Variants in MAP2K6 observed in about 807,000 individuals in gnomAD.
MAP2K6 encodes mitogen-activated protein kinase kinase 6.
Under a neutral mutation model 53.7 loss-of-function variants are expected in MAP2K6, and 16 were observed. That is an observed-to-expected ratio of 0.30 (90% CI 0.20 to 0.45). MAP2K6 has a LOEUF of 0.45. Among genes scored for constraint, MAP2K6 ranks in the 20% least tolerant of loss-of-function variants. MAP2K6 has a pLI of 1.00. For missense variants in MAP2K6, 204 were observed against 411.9 expected, an observed-to-expected ratio of 0.50 and a Z score of 4.37; for synonymous variants, 132 against 143.1, an observed-to-expected ratio of 0.92 and a Z score of 0.55.
chr17:69,498,609 G>A (rs1598291498), intron 1 of MAP2K6, among the ~76,000 whole-genome samples: 1 of 148,726 alleles, frequency 6.7e-6, no homozygotes, highest in East Asian at 2.0e-4. Context: ...ACTCTGTATG[G>A]CACCCAGCAC....
chr17:69,418,628 T>C (rs1905978527), intron 1 of MAP2K6, among the ~76,000 whole-genome samples: 1 of 152,190 alleles, frequency 6.6e-6, no homozygotes, highest in African/African-American at 2.4e-5. Context: ...TGGCAAAATA[T>C]TCCCAAGTTT....
intron 3 of MAP2K6, 29 bp from the exon 4 acceptor site, chr17:69,517,471 C>T (rs1303301765): frequency 3.9e-6 from 5 of 1,268,760 alleles, no homozygotes; most frequent in Middle Eastern, 1.9e-4. Flanking sequence ...TTCTCTTTCC[C>T]ATTGCATTAT....
chr17:69,454,838 T>C (rs1047002865), intron 1 of MAP2K6, among the ~76,000 whole-genome samples: 2 of 152,208 alleles, frequency 1.3e-5, no homozygotes, highest in Non-Finnish European at 2.9e-5. Context: ...TAGATATGGG[T>C]ATAATAATAT....
At chr17:69,501,103 T>C (rs898549363) in intron 1 of MAP2K6, among the ~76,000 whole-genome samples, 3 of 152,220 alleles carry the variant, frequency 2.0e-5, no homozygotes, top group Non-Finnish European at 2.9e-5. Flanking sequence ...GGCCTCTAGA[T>C]TGCCAGTTAC....
intron 11 of MAP2K6, among the ~76,000 whole-genome samples, chr17:69,539,284 A>G (rs899064341): frequency 1.3e-5 from 2 of 152,190 alleles, no homozygotes; most frequent in African/African-American, 4.8e-5. Flanking sequence ...TTCTTCAGGC[A>G]CATCAGTGAG....
chr17:69,540,527 T>C lies in MAP2K6; in HGVS notation c.928-1149T>C, dbSNP rs1231528084. ...TTCCACTGTGAGAGCTGGGCACTTA[T>C]TGTAACAAAATTGAGCAATCTGGGG... is the stretch of plus-strand genomic sequence containing the variant. On this transcript the variant is annotated intron_variant, in intron 11 of 11. Coordinates refer to ENST00000590474, the MANE Select transcript of MAP2K6 (RefSeq NM_002758.4). Among the ~76,000 whole-genome samples the C allele has an allele frequency of 3.9e-5, 6 of 152,220 alleles. No homozygotes were observed. The South Asian group carries it at 6.2e-4, about 16-fold the overall frequency.
At chr17:69,423,887 A>G (rs931972688) in intron 1 of MAP2K6, among the ~76,000 whole-genome samples, 1 of 152,162 alleles carries the variant, frequency 6.6e-6, no homozygotes. Context: ...TGCAAAAGTA[A>G]TATTGTTTTT....
Position 69,414,909 on chromosome 17 carries a change from G to T in MAP2K6, c.-76G>T. On this transcript the variant is annotated 5_prime_UTR_variant, in exon 1 of 12. Coordinates refer to ENST00000590474, the MANE Select transcript of MAP2K6 (RefSeq NM_002758.4). Reference sequence around the variant, plus strand: ...TTGCACGCCTGCAGCTTGCATCTTTGTTGCAAAACTAGCTACAGAAGAGAA... The same window carrying T: ...TTGCACGCCTGCAGCTTGCATCTTTTTTGCAAAACTAGCTACAGAAGAGAA... 1 of 1,389,894 alleles carries T rather than the reference G, an allele frequency of 7.2e-7. No homozygotes were observed. The highest frequency in any genetic ancestry group is 1.0e-6 in the Non-Finnish European group (1 of 983,580). The allele number at this position is 1,389,894 out of a possible 1,614,324, so 86.1% of individuals were successfully genotyped here.
intron 7 of MAP2K6, 49 bp downstream of exon 7, chr17:69,521,149 CTT>C (rs763784943): frequency 1.9e-6 from 3 of 1,552,356 alleles, no homozygotes; most frequent in Non-Finnish European, 2.7e-6. Flanking sequence ...AAGTTCATCT[CTT>C]TCACCTGGAG....
intron 4 of MAP2K6, among the ~76,000 whole-genome samples, chr17:69,518,721 A>AG (rs769583733): frequency 2.6e-5 from 4 of 152,212 alleles, no homozygotes; most frequent in Non-Finnish European, 4.4e-5. Flanking sequence ...AAAAGTGTGA[A>AG]GTCCCAGTGA....
intron 1 of MAP2K6, among the ~76,000 whole-genome samples, chr17:69,460,203 C>T (rs1293487228): frequency 2.6e-5 from 4 of 152,094 alleles, no homozygotes; most frequent in Admixed American, 2.6e-4. Flanking sequence ...ATAAACATAA[C>T]AGATTGCTAA....
intron 1 of MAP2K6, among the ~76,000 whole-genome samples, chr17:69,425,344 G>A (rs1260277391): frequency 6.6e-6 from 1 of 151,482 alleles, no homozygotes; most frequent in East Asian, 1.9e-4. Flanking sequence ...ATGGCGTATA[G>A]CTCTGTCACC....
intron 1 of MAP2K6, among the ~76,000 whole-genome samples, chr17:69,498,223 G>A (rs78558761): frequency 0.062 from 9,395 of 152,214 alleles, 375 homozygotes; most frequent in Non-Finnish European, 0.089. Context: ...GGTTGTGGGG[G>A]ATGTGACAAG....
At chr17:69,482,833 C>T (rs1021166912) in intron 1 of MAP2K6, among the ~76,000 whole-genome samples, 2 of 152,032 alleles carry the variant, frequency 1.3e-5, no homozygotes, top group Non-Finnish European at 2.9e-5. Context: ...AAGGACTATG[C>T]ATTCATAAGA....
intron 1 of MAP2K6, among the ~76,000 whole-genome samples, chr17:69,463,460 G>T (rs1049471776): frequency 2.7e-5 from 4 of 148,546 alleles, no homozygotes; most frequent in African/African-American, 9.9e-5. Flanking sequence ...ATACATATAT[G>T]TATGTGTGTA....
chr17:69,504,375 A>C (rs1909344833), intron 1 of MAP2K6: 1 of 151,484 alleles, frequency 6.6e-6, no homozygotes, highest in Admixed American at 6.6e-5. Context: ...TCCCAGGTTC[A>C]CGCCATTCTC....
intron 1 of MAP2K6, among the ~76,000 whole-genome samples, chr17:69,458,256 T>G (rs1907490616): frequency 6.6e-6 from 1 of 152,186 alleles, no homozygotes; most frequent in Non-Finnish European, 1.5e-5. Flanking sequence ...TTTCACCATC[T>G]TGGCCAGGCT....
chr17:69,495,565 G>A (rs909552999), intron 1 of MAP2K6, among the ~76,000 whole-genome samples: 9 of 152,096 alleles, frequency 5.9e-5, no homozygotes, highest in Non-Finnish European at 1.0e-4. Context: ...ATATTCAAAA[G>A]TGGACTGTAT....
chr17:69,459,299 T>C, intron 1 of MAP2K6, among the ~76,000 whole-genome samples: 1 of 152,220 alleles, frequency 6.6e-6, no homozygotes, highest in East Asian at 1.9e-4. Context: ...AATTTTCCCT[T>C]GTTTTCTGGA....
Sources: gnomAD v4.1 joint callset for allele counts (sites outside exome capture counted in the v4.1 genomes callset) on GRCh38, gnomAD v4.1.1 for gene constraint, MANE v1.5 for transcripts, NCBI Gene and HGNC (gene_info 2026-07-23, HGNC 2026-07-21) for gene names.